The following MRGPRX4 variants were observed in gnomAD, a reference collection of about 807,000 sequenced individuals.
MRGPRX4 encodes MAS related GPR family member X4, also known as mas-related G protein-coupled receptor member X4.
Under a neutral mutation model 17.8 loss-of-function variants are expected in MRGPRX4, and 13 were observed. That is an observed-to-expected ratio of 0.73 (90% CI 0.48 to 1.16). The LOEUF is 1.16. Ranked by LOEUF, MRGPRX4 falls within the 50% of genes most tolerant of loss-of-function variation. The pLI is 0.00. For synonymous variants in MRGPRX4, 192 were observed against 175.3 expected, an observed-to-expected ratio of 1.10 and a Z score of -0.75; for missense variants, 399 against 405.0, an observed-to-expected ratio of 0.99 and a Z score of 0.13.
chr11:18,174,214 T>C lies in MRGPRX4; in HGVS notation c.958T>C (p.Leu320=), dbSNP rs150902143. 2.4e-4 allele frequency: 389 copies of C among 1,612,518 alleles called. No homozygotes were observed. The highest frequency in any genetic ancestry group is 2.8e-4 in the Non-Finnish European group (332 of 1,178,974). Residue 320 remains leucine (L), a synonymous_variant, in exon 1 of 1, where the codon TTG becomes CTG. Transcript: ENST00000314254. Reference sequence around the variant, plus strand: ...AAGCCTGGAGCTGTCGGGAAGCAGATTGGGGCCATGAGGGAGAGCCTCTGC... The same window carrying C: ...AAGCCTGGAGCTGTCGGGAAGCAGACTGGGGCCATGAGGGAGAGCCTCTGC... ...EESLELSGSR[L]GP
At position 18,174,127 on chromosome 11, in the gene MRGPRX4, C is replaced by A. The variant is rs770033314; in HGVS notation, c.871C>A (p.Leu291Ile). ...RQNRQNLKLV[L>I]QRALQDKPEV... Reference sequence around the variant, plus strand: ...AAATAGGCAGAACCTGAAGCTGGTTCTCCAGAGGGCTCTGCAGGACAAGCC... The same window carrying A: ...AAATAGGCAGAACCTGAAGCTGGTTATCCAGAGGGCTCTGCAGGACAAGCC... Residue 291 changes from leucine to isoleucine, a missense_variant, in exon 1 of 1, where the codon CTC becomes ATC. Physicochemically the swap from Leu to Ile is conservative, Grantham distance 5 (BLOSUM62 2). Transcript: ENST00000314254. 3 of 1,614,202 alleles carry A rather than the reference C, an allele frequency of 1.9e-6. No homozygotes were observed. Among genetic ancestry groups the A allele is most frequent in the Non-Finnish European group, 8.5e-7 (1 of 1,180,050 alleles).
At position 18,173,603 on chromosome 11, in the gene MRGPRX4, T is replaced by G. The variant is rs371358102; in HGVS notation, c.347T>G (p.Ile116Ser). ...YFTGLSMLSA[I>S]STERCLSVLW... The stretch of plus-strand genomic sequence containing the variant: ...ACAGGCCTGAGTATGCTGAGCGCCA[T>G]CAGCACCGAGCGCTGCCTGTCTGTT... The change falls in exon 1 of 1, where the codon ATC becomes AGC. Residue 116 changes from isoleucine to serine, a missense_variant. Transcript: ENST00000314254. 3 of 1,614,062 alleles carry G rather than the reference T, an allele frequency of 1.9e-6. No homozygotes were observed. In the African/African-American group the frequency reaches 4.0e-5, roughly 22 times the overall value.
Position 18,173,412 on chromosome 11 carries a change from G to A in MRGPRX4, c.156G>A (p.Leu52=), listed in dbSNP as rs563124310. The change falls in exon 1 of 1, where the codon CTG becomes CTA. Residue 52 remains leucine (L), a synonymous_variant. Coordinates refer to ENST00000314254, the MANE Select transcript of MRGPRX4 (RefSeq NM_054032.3). The part of the protein sequence containing the change: ...LTGNAVVLWL[L]GYRMRRNAVS... ...GAAACGCGGTTGTGCTCTGGCTCCT[G>A]GGCTACCGCATGCGCAGGAACGCTG... 19 of 1,614,142 alleles carry A rather than the reference G, an allele frequency of 1.2e-5. No individual in the cohort carries two copies. In the South Asian group the frequency reaches 1.3e-4, roughly 11 times the overall value.
chr11:18,173,377 G>T, the MRGPRX4 span: 3 of 1,613,972 alleles, frequency 1.9e-6, no homozygotes, highest in East Asian at 2.2e-5. Flanking sequence ...TTCCCTTGTC[G>T]GACTGACAGG....
Position 18,173,079 on chromosome 11 carries a change from G to T in MRGPRX4, c.-178G>T. 1.2e-6 allele frequency: 1 copy of T among 802,742 alleles called. No individual in the cohort carries two copies. The highest frequency in any genetic ancestry group is 2.0e-6 in the Non-Finnish European group (1 of 503,636). 49.7% of individuals were successfully genotyped at this position (802,742 alleles called of 1,614,324 possible). On this transcript the variant is annotated 5_prime_UTR_variant, in exon 1 of 1. Coordinates refer to ENST00000314254, the MANE Select transcript of MRGPRX4 (RefSeq NM_054032.3). ...TCAACAAGAACTGGATTTCAAACTG[G>T]ATTTGAGGACCCCCACCTTTGGTAA...
Position 18,173,461 on chromosome 11 carries a change from G to T in MRGPRX4, c.205G>T (p.Ala69Ser). ...TGTCTCCATCTACATCCTCAACCTG[G>T]CCGCAGCAGACTTCCTCTTCCTCAG... ...NAVSIYILNL[A>S]AADFLFLSFQ... Residue 69 changes from alanine to serine, a missense_variant, in exon 1 of 1, where the codon GCC becomes TCC. Physicochemically the swap from Ala to Ser is moderately conservative, Grantham distance 99. Transcript: ENST00000314254. 1 of 1,614,178 alleles carries T rather than the reference G, an allele frequency of 6.2e-7. No individual in the cohort carries two copies. The highest frequency in any genetic ancestry group is 8.5e-7 in the Non-Finnish European group (1 of 1,180,032).
rs183194913 is a variant in MRGPRX4 at position 18,173,001 on chromosome 11, T to C, written c.-256T>C. On this transcript the variant is annotated 5_prime_UTR_variant, in exon 1 of 1. Coordinates refer to ENST00000314254, the MANE Select transcript of MRGPRX4 (RefSeq NM_054032.3). ...GGGGGTGTTTTGATCCTAATGTTAT[T>C]CCCATGTCAGCACAGAACTTGTGTG... 107 of 479,274 alleles carry C rather than the reference T, an allele frequency of 2.2e-4. No homozygotes were observed. In the East Asian group the frequency reaches 2.9e-3, roughly 13 times the overall value. The allele number at this position is 479,274 out of a possible 1,614,324, so 29.7% of individuals were successfully genotyped here.
Position 18,173,492 on chromosome 11 carries a change from A to C in MRGPRX4, c.236A>C (p.Gln79Pro). The C allele has an allele frequency of 6.2e-7, 1 of 1,614,178 alleles. No individual in the cohort carries two copies. Among genetic ancestry groups the C allele is most frequent in the Non-Finnish European group, 8.5e-7 (1 of 1,180,030 alleles). ...AAADFLFLSF[Q>P]IIRLPLRLIN... ...GCAGACTTCCTCTTCCTCAGCTTCC[A>C]GATTATACGTTTGCCATTACGCCTC... The change falls in exon 1 of 1, where the codon CAG becomes CCG. Residue 79 changes from glutamine to proline, a missense_variant. Coordinates refer to ENST00000314254, the MANE Select transcript of MRGPRX4 (RefSeq NM_054032.3).
chr11:18,173,393 C>T lies in MRGPRX4; in HGVS notation c.137C>T (p.Ala46Val), dbSNP rs200676270. 8.1e-6 allele frequency: 13 copies of T among 1,614,188 alleles called. No individual in the cohort carries two copies. Among genetic ancestry groups the T allele is most frequent in the South Asian group, 5.5e-5 (5 of 91,074 alleles). Residue 46 changes from alanine (A) to valine (V), a missense_variant, in exon 1 of 1, where the codon GCG (alanine) becomes GTG (valine). By Grantham distance (64) the Ala-to-Val change is moderately conservative. Coordinates refer to ENST00000314254, the MANE Select transcript of MRGPRX4 (RefSeq NM_054032.3). ...IISLVGLTGN[A>V]VVLWLLGYRM... ...TCCCTTGTCGGACTGACAGGAAACG[C>T]GGTTGTGCTCTGGCTCCTGGGCTAC...
chr11:18,174,262 G>A lies in MRGPRX4; in HGVS notation c.*37G>A, dbSNP rs1208434547. 6.3e-6 allele frequency: 10 copies of A among 1,583,214 alleles called. No individual in the cohort carries two copies. Among genetic ancestry groups the A allele is most frequent in the Non-Finnish European group, 8.6e-6 (10 of 1,164,840 alleles). On this transcript the variant is annotated 3_prime_UTR_variant, in exon 1 of 1. Transcript: ENST00000314254. ...TGCCCTGTCAGTCAGACGGGACTTT[G>A]AGAGCAACACTGTCCTGCCACCCTT...
chr11:18,174,012 T>G lies in MRGPRX4; in HGVS notation c.756T>G (p.His252Gln). 2 of 1,614,228 alleles carry G rather than the reference T, an allele frequency of 1.2e-6. No homozygotes were observed. Among genetic ancestry groups the G allele is most frequent in the Non-Finnish European group, 1.7e-6 (2 of 1,180,034 alleles). ...TGAATTTGGAAGTCTTATATTGTCA[T>G]GTTTATCTGGTTTGCATGTCCCTGT... The part of the protein sequence containing the change: ...MHLNLEVLYC[H>Q]VYLVCMSLSS... The change falls in exon 1 of 1, where the codon CAT (histidine) becomes CAG (glutamine). Residue 252 changes from histidine (H) to glutamine (Q), a missense_variant. Physicochemically the swap from His to Gln is conservative, Grantham distance 24 (BLOSUM62 0). Transcript: ENST00000314254.
chr11:18,173,490 C>G lies in MRGPRX4; in HGVS notation c.234C>G (p.Phe78Leu). ...CAGCAGACTTCCTCTTCCTCAGCTT[C>G]CAGATTATACGTTTGCCATTACGCC... is the stretch of plus-strand genomic sequence containing the variant. ...LAAADFLFLS[F>L]QIIRLPLRLI... is the part of the protein sequence containing the mutation. The change falls in exon 1 of 1, where the codon TTC (phenylalanine) becomes TTG (leucine). Residue 78 changes from phenylalanine (F) to leucine (L), a missense_variant. Transcript: ENST00000314254. The G allele has an allele frequency of 1.1e-5, 18 of 1,614,220 alleles. No homozygotes were observed. The highest frequency in any genetic ancestry group is 1.5e-5 in the Non-Finnish European group (18 of 1,180,032).
rs1216709195 is a variant in MRGPRX4 at position 18,173,374 on chromosome 11, G to A, written c.118G>A (p.Val40Ile). Reference protein sequence around the residue: ...FTVLTCIISLVGLTGNAVVLW... With the variant: ...FTVLTCIISLIGLTGNAVVLW... ...GGTGCTGACGTGCATCATTTCCCTT[G>A]TCGGACTGACAGGAAACGCGGTTGT... The change falls in exon 1 of 1, where the codon GTC (valine) becomes ATC (isoleucine). Residue 40 changes from valine (V) to isoleucine (I), a missense_variant. Physicochemically the swap from Val to Ile is conservative, Grantham distance 29. Coordinates refer to ENST00000314254, the MANE Select transcript of MRGPRX4 (RefSeq NM_054032.3). 2 of 1,614,108 alleles carry A rather than the reference G, an allele frequency of 1.2e-6. No homozygotes were observed. The highest frequency in any genetic ancestry group is 2.2e-5 in the East Asian group (1 of 44,880).
chr11:18,173,625 T>G lies in MRGPRX4; in HGVS notation c.369T>G (p.Ser123=), dbSNP rs970359675. 6.2e-7 allele frequency: 1 copy of G among 1,614,176 alleles called. No homozygotes were observed. The highest frequency in any genetic ancestry group is 8.5e-7 in the Non-Finnish European group (1 of 1,180,024). Residue 123 remains serine (S), a synonymous_variant, in exon 1 of 1, where the codon TCT becomes TCG. Coordinates refer to ENST00000314254, the MANE Select transcript of MRGPRX4 (RefSeq NM_054032.3). ...CCATCAGCACCGAGCGCTGCCTGTC[T>G]GTTCTGTGGCCCATCTGGTACCGCT... ...LSAISTERCL[S]VLWPIWYRCR...
rs768844484 is a variant in MRGPRX4, at chr11:18,173,580, A to G, written c.324A>G (p.Thr108=). Residue 108 remains threonine, a synonymous_variant, in exon 1 of 1, where the codon ACA becomes ACG. Coordinates refer to ENST00000314254, the MANE Select transcript of MRGPRX4 (RefSeq NM_054032.3). ...LVSVMTFPYF[T]GLSMLSAIST... ...CTGTGATGACCTTTCCCTACTTTAC[A>G]GGCCTGAGTATGCTGAGCGCCATCA... is the stretch of plus-strand genomic sequence containing the variant. The G allele has an allele frequency of 4.3e-6, 7 of 1,614,096 alleles. No individual in the cohort carries two copies. The highest frequency in any genetic ancestry group is 5.9e-6 in the Non-Finnish European group (7 of 1,180,020).
chr11:18,174,071 A>G lies in MRGPRX4; in HGVS notation c.815A>G (p.Tyr272Cys), dbSNP rs753712984. Residue 272 changes from tyrosine (Y) to cysteine (C), a missense_variant, in exon 1 of 1, where the codon TAC (tyrosine) becomes TGC (cysteine). By Grantham distance (194) the Tyr-to-Cys change is radical. Coordinates refer to ENST00000314254, the MANE Select transcript of MRGPRX4 (RefSeq NM_054032.3). ...SLNSSANPII[Y>C]FFVGSFRQRQ... is the part of the protein sequence containing the mutation. ...AACAGTAGTGCCAACCCCATCATTTACTTCTTCGTGGGCTCCTTTAGGCAG... is the reference window on the plus strand; with the variant it reads ...AACAGTAGTGCCAACCCCATCATTTGCTTCTTCGTGGGCTCCTTTAGGCAG... 2 of 1,614,104 alleles carry G rather than the reference A, an allele frequency of 1.2e-6. No individual in the cohort carries two copies. The highest frequency in any genetic ancestry group is 3.3e-5 in the Admixed American group (2 of 60,018).
In MRGPRX4 at chr11:18,174,196, G is replaced by C. The variant is rs142499800; in HGVS notation, c.940G>C (p.Glu314Gln). The C allele has an allele frequency of 6.3e-5, 102 of 1,613,780 alleles. 2 individuals carry two copies. In the African/African-American group the frequency reaches 1.2e-3, roughly 19 times the overall value. ...AGGGCAGCTTCCTGAGGAAAGCCTG[G>C]AGCTGTCGGGAAGCAGATTGGGGCC... Reference protein sequence around the residue: ...GEGQLPEESLELSGSRLGP With the variant: ...GEGQLPEESLQLSGSRLGP Residue 314 changes from glutamate to glutamine, a missense_variant, in exon 1 of 1, where the codon GAG (glutamate) becomes CAG (glutamine). Coordinates refer to ENST00000314254, the MANE Select transcript of MRGPRX4 (RefSeq NM_054032.3).
At position 18,173,489 on chromosome 11, in the gene MRGPRX4, T is replaced by G. The variant is rs772076358; in HGVS notation, c.233T>G (p.Phe78Cys). ...GCAGCAGACTTCCTCTTCCTCAGCTTCCAGATTATACGTTTGCCATTACGC... is the reference window on the plus strand; with the variant it reads ...GCAGCAGACTTCCTCTTCCTCAGCTGCCAGATTATACGTTTGCCATTACGC... ...LAAADFLFLS[F>C]QIIRLPLRLI... The change falls in exon 1 of 1, where the codon TTC becomes TGC. Residue 78 changes from phenylalanine (F) to cysteine (C), a missense_variant. Physicochemically the swap from Phe to Cys is radical, Grantham distance 205 (BLOSUM62 -2). Transcript: ENST00000314254. 1.9e-6 allele frequency: 3 copies of G among 1,614,132 alleles called. No homozygotes were observed. In the South Asian group the frequency reaches 3.3e-5, roughly 18 times the overall value.
rs552161707 is a variant in MRGPRX4, at chr11:18,173,436, T to G, written c.180T>G (p.Ala60=). ...WLLGYRMRRN[A]VSIYILNLAA... is the part of the protein sequence containing the mutation. Reference sequence around the variant, plus strand: ...TGGGCTACCGCATGCGCAGGAACGCTGTCTCCATCTACATCCTCAACCTGG... The same window carrying G: ...TGGGCTACCGCATGCGCAGGAACGCGGTCTCCATCTACATCCTCAACCTGG... The change falls in exon 1 of 1, where the codon GCT becomes GCG. Residue 60 remains alanine (A), a synonymous_variant. Transcript: ENST00000314254. 6.2e-7 allele frequency: 1 copy of G among 1,614,198 alleles called. No homozygotes were observed. The highest frequency in any genetic ancestry group is 1.1e-5 in the South Asian group (1 of 91,072).
Sources: allele counts gnomAD v4.1 joint callset, GRCh38; gene constraint gnomAD v4.1.1; transcripts MANE v1.5; gene names NCBI Gene and HGNC (gene_info 2026-07-23, HGNC 2026-07-21).